LRRC36: variants seen among roughly 807,000 people sequenced by gnomAD.
The protein encoded by LRRC36 is leucine rich repeat containing 36.
Under a neutral mutation model 81.1 loss-of-function variants are expected in LRRC36, and 62 were observed. That is an observed-to-expected ratio of 0.76 (90% CI 0.62 to 0.94). LRRC36 has a LOEUF of 0.94. Among genes scored for constraint, LRRC36 ranks in the 40% least tolerant of loss-of-function variants. The pLI, the probability that LRRC36 is intolerant of heterozygous loss-of-function variation, is 0.00. For synonymous variants in LRRC36, 334 were observed against 348.6 expected, an observed-to-expected ratio of 0.96 and a Z score of 0.47; for missense variants, 761 against 881.7, an observed-to-expected ratio of 0.86 and a Z score of 1.73.
At chr16:67,383,235 A>G (rs1230154969) in intron 13 of LRRC36, among the ~76,000 whole-genome samples, 1 of 151,918 alleles carries the variant, frequency 6.6e-6, no homozygotes, top group East Asian at 1.9e-4. Flanking sequence ...AAATATAAGC[A>G]CTCCATCCCC....
chr16:67,329,764 A>G (rs930814023), intron 1 of LRRC36, among the ~76,000 whole-genome samples: 1 of 152,036 alleles, frequency 6.6e-6, no homozygotes, highest in African/African-American at 2.4e-5. Context: ...TTAAAAATAC[A>G]AAAATTAGCT....
At chr16:67,367,884 C>T (rs1175112666) in intron 8 of LRRC36, among the ~76,000 whole-genome samples, 1 of 152,172 alleles carries the variant, frequency 6.6e-6, no homozygotes, top group Non-Finnish European at 1.5e-5. Context: ...AACCCCGTCT[C>T]TACCAAAAAT....
intron 11 of LRRC36, among the ~76,000 whole-genome samples, chr16:67,378,296 A>G (rs1443443511): frequency 7.2e-6 from 1 of 138,416 alleles, no homozygotes; most frequent in Non-Finnish European, 1.5e-5. Flanking sequence ...CTGGAGTGCA[A>G]TGGCACTTTC....
chr16:67,375,676 T>G (rs2039864543), intron 10 of LRRC36, among the ~76,000 whole-genome samples: 1 of 152,206 alleles, frequency 6.6e-6, no homozygotes, highest in Admixed American at 6.5e-5. Context: ...TGGTAATATA[T>G]AGAGTAACCA....
At chr16:67,359,005 A>T (rs2039031095) in intron 5 of LRRC36, among the ~76,000 whole-genome samples, 1 of 152,242 alleles carries the variant, frequency 6.6e-6, no homozygotes, top group Non-Finnish European at 1.5e-5. Context: ...TTTGCAATTT[A>T]AAAAGTTGCT....
intron 7 of LRRC36, 51 bp downstream of exon 7, chr16:67,365,406 C>A (rs769080710): frequency 1.3e-6 from 2 of 1,515,292 alleles, no homozygotes; most frequent in African/African-American, 2.8e-5. Context: ...TCAGAGAAGT[C>A]TGGATGTGAT....
chr16:67,380,839 C>G (rs1316510243), intron 12 of LRRC36, among the ~76,000 whole-genome samples: 1 of 152,200 alleles, frequency 6.6e-6, no homozygotes, highest in Admixed American at 6.5e-5. Context: ...ATTAGTATCA[C>G]CTGGGAGCTT....
intron 1 of LRRC36, among the ~76,000 whole-genome samples, chr16:67,328,170 T>C (rs2037293052): frequency 6.6e-6 from 1 of 152,192 alleles, no homozygotes; most frequent in African/African-American, 2.4e-5. Flanking sequence ...TTTACTCATT[T>C]TGACTGTTAA....
intron 8 of LRRC36, among the ~76,000 whole-genome samples, chr16:67,370,559 G>A (rs914551065): frequency 4.0e-5 from 6 of 150,884 alleles, no homozygotes; most frequent in Non-Finnish European, 8.8e-5. Context: ...CTTGAACTCA[G>A]GAGGCAGAGG....
At chr16:67,329,369 C>A (rs2037362063) in intron 1 of LRRC36, among the ~76,000 whole-genome samples, 1 of 152,128 alleles carries the variant, frequency 6.6e-6, no homozygotes, top group Admixed American at 6.5e-5. Flanking sequence ...CAGCTCACTG[C>A]AACCTCTGCC....
chr16:67,347,519 A>G lies in LRRC36; in HGVS notation c.416A>G (p.Glu139Gly). ...GATGACCGAACTGTACGTGAAGGTG[A>G]GAGAAAAGCTGCCAAGCTGCATTTT... Reference protein sequence around the residue: ...KLDDRTVREGERKAAKLHFSQ... With the variant: ...KLDDRTVREGGRKAAKLHFSQ... Residue 139 changes from glutamate to glycine, a missense_variant, in exon 4 of 14, where the codon GAG becomes GGG. By Grantham distance (98) the Glu-to-Gly change is moderately conservative. Coordinates refer to ENST00000329956, the MANE Select transcript of LRRC36 (RefSeq NM_018296.6). 1 of 1,613,368 alleles carries G rather than the reference A, an allele frequency of 6.2e-7. No individual in the cohort carries two copies. The highest frequency in any genetic ancestry group is 8.5e-7 in the Non-Finnish European group (1 of 1,179,360).
At chr16:67,358,779 A>G (rs956713030) in intron 5 of LRRC36, among the ~76,000 whole-genome samples, 15 of 152,306 alleles carry the variant, frequency 9.8e-5, no homozygotes, top group Non-Finnish European at 1.9e-4. Context: ...CCAAAAGCAC[A>G]TGAAAGATGC....
chr16:67,331,815 C>T lies in LRRC36; in HGVS notation c.70+4883C>T, dbSNP rs535526460. Among the ~76,000 whole-genome samples the T allele has an allele frequency of 4.5e-4, 69 of 151,870 alleles. 1 individual carries two copies. In the South Asian group the frequency reaches 7.5e-3, roughly 17 times the overall value. ...CCAGCCTGGCCAGCATGTTGAAACC[C>T]CATCTCTACTAAAAATATAAAAATT... On this transcript the variant is annotated intron_variant, in intron 1 of 13. Transcript: ENST00000329956.
At chr16:67,362,073 CT>C (rs1285362811) in intron 5 of LRRC36, 50 of 345,500 alleles carry the variant, frequency 1.4e-4, no homozygotes, top group East Asian at 1.3e-3. Context: ...TCTATTAAAA[CT>C]TTTTTTTAAT....
intron 1 of LRRC36, among the ~76,000 whole-genome samples, chr16:67,341,156 C>T (rs1379323948): frequency 8.1e-6 from 1 of 123,910 alleles, no homozygotes; most frequent in Non-Finnish European, 1.7e-5. Context: ...ATGTACTCTA[C>T]ATATTCTATA....
rs201960894 is a variant in LRRC36 at position 67,375,412 on chromosome 16, G to A, written c.1660G>A (p.Gly554Ser). Residue 554 changes from glycine (G) to serine (S), a missense_variant and splice_region_variant, in exon 10 of 14, where the codon GGT (glycine) becomes AGT (serine). Physicochemically the swap from Gly to Ser is moderately conservative, Grantham distance 56. Coordinates refer to ENST00000329956, the MANE Select transcript of LRRC36 (RefSeq NM_018296.6). ...CCTCCTCCTCAACAAGAAGTTTCTCGGTGAGTGAATGCATTCTCTGTCCTT... is the reference window on the plus strand; with the variant it reads ...CCTCCTCCTCAACAAGAAGTTTCTCAGTGAGTGAATGCATTCTCTGTCCTT... ...GSLLLNKKFL[G>S]PARDLLLSLV... 108 of 1,576,018 alleles carry A rather than the reference G, an allele frequency of 6.9e-5. No individual in the cohort carries two copies. The highest frequency in any genetic ancestry group is 3.2e-4 in the South Asian group (28 of 86,856).
rs1175183923 is a variant in LRRC36 at position 67,329,850 on chromosome 16, G to A, written c.70+2918G>A. 3.9e-5 allele frequency among the ~76,000 whole-genome samples: 6 copies of A among 152,140 alleles called. No homozygotes were observed. In the East Asian group the frequency reaches 5.8e-4, roughly 15 times the overall value. Reference sequence around the variant, plus strand: ...GGAGAATCGCTTGAACCCGGGAGACGGAGGTTGTAGTGAGCTGAGATCGCG... The same window carrying A: ...GGAGAATCGCTTGAACCCGGGAGACAGAGGTTGTAGTGAGCTGAGATCGCG... On this transcript the variant is annotated intron_variant, in intron 1 of 13. Coordinates refer to ENST00000329956, the MANE Select transcript of LRRC36 (RefSeq NM_018296.6).
At chr16:67,351,054 T>A (rs776486144) in intron 5 of LRRC36, among the ~76,000 whole-genome samples, 25 of 151,930 alleles carry the variant, frequency 1.6e-4, no homozygotes, top group South Asian at 4.2e-4. Flanking sequence ...AATAAATAAA[T>A]AAAAAATAAA....
intron 4 of LRRC36, chr16:67,348,561 G>A (rs1038063429): frequency 2.0e-5 from 3 of 152,218 alleles, no homozygotes; most frequent in Admixed American, 2.0e-4. Context: ...CCGGGTTCAA[G>A]TGATTCTGCT....
Sources: allele counts gnomAD v4.1 joint callset (sites outside exome capture counted in the v4.1 genomes callset), GRCh38; gene constraint gnomAD v4.1.1; transcripts MANE v1.5; gene names NCBI Gene and HGNC (gene_info 2026-07-23, HGNC 2026-07-21).